Variants in CHCHD3 observed in about 807,000 individuals in gnomAD.
CHCHD3 encodes MICOS complex subunit MIC19.
Under a neutral mutation model 38.2 loss-of-function variants are expected in CHCHD3, and 20 were observed. That is an observed-to-expected ratio of 0.52 (90% CI 0.37 to 0.76). The LOEUF (loss-of-function observed/expected upper bound fraction) is 0.76. Ranked by LOEUF, CHCHD3 falls within the 30% of genes least tolerant of loss-of-function variation. The pLI is 0.00. For missense variants in CHCHD3, 245 were observed against 279.2 expected (o/e 0.88, Z 0.87); for synonymous variants, 82 against 100.0 (o/e 0.82, Z 1.07).
intron 3 of CHCHD3, among the ~76,000 whole-genome samples, chr7:132,985,396 C>T (rs1451009178): frequency 2.5e-5 from 2 of 79,954 alleles, no homozygotes; most frequent in Admixed American, 1.3e-4. Flanking sequence ...GCCCCCCGCC[C>T]GGCCAGCCGC....
At position 132,798,455 on chromosome 7, in the gene CHCHD3, C is replaced by A. The variant is rs562220178; in HGVS notation, c.525-1878G>T. Among the ~76,000 whole-genome samples the A allele has an allele frequency of 3.3e-5, 5 of 152,176 alleles. No homozygotes were observed. In the South Asian group the frequency reaches 1.0e-3, roughly 32 times the overall value. On this transcript the variant is annotated intron_variant, in intron 6 of 7. Coordinates refer to ENST00000262570, the MANE Select transcript of CHCHD3 (RefSeq NM_017812.4). ...GCTTCAAAGAGTATAGGCACAGATA[C>A]CACTAAGTGACTAATTATAGCAAGA...
chr7:132,951,412 T>G (rs1751207615), intron 4 of CHCHD3, among the ~76,000 whole-genome samples: 1 of 152,264 alleles, frequency 6.6e-6, no homozygotes, highest in African/African-American at 2.4e-5. Context: ...CTATAACCTG[T>G]TGGGAATATT....
chr7:132,892,788 G>T (rs1809397619), intron 4 of CHCHD3, among the ~76,000 whole-genome samples: 1 of 152,204 alleles, frequency 6.6e-6, no homozygotes, highest in Admixed American at 6.5e-5. Context: ...TTCAGAGGGT[G>T]CAAGCCCCAA....
At chr7:132,947,275 A>C (rs184765878) in intron 4 of CHCHD3, among the ~76,000 whole-genome samples, 1 of 152,082 alleles carries the variant, frequency 6.6e-6, no homozygotes, top group Admixed American at 6.6e-5. Flanking sequence ...AACCAGAAAC[A>C]GGAGGCACTT....
At chr7:132,946,470 C>T (rs543312221) in intron 4 of CHCHD3, among the ~76,000 whole-genome samples, 2 of 151,904 alleles carry the variant, frequency 1.3e-5, no homozygotes, top group African/African-American at 4.8e-5. Flanking sequence ...TGAGTTAAAA[C>T]TGGAATTTCA....
At chr7:132,933,370 G>A (rs974544095) in intron 4 of CHCHD3, among the ~76,000 whole-genome samples, 3 of 152,160 alleles carry the variant, frequency 2.0e-5, no homozygotes, top group Non-Finnish European at 4.4e-5. Context: ...TACACATCAC[G>A]AGAAGTATGT....
chr7:132,825,939 G>A (rs911101019), intron 6 of CHCHD3, among the ~76,000 whole-genome samples: 1 of 152,220 alleles, frequency 6.6e-6, no homozygotes, highest in Non-Finnish European at 1.5e-5. Context: ...AGCAGGCCAA[G>A]CAAGCTTCTA....
intron 4 of CHCHD3, among the ~76,000 whole-genome samples, chr7:132,959,635 A>G (rs1236615932): frequency 2.0e-5 from 3 of 151,622 alleles, no homozygotes; most frequent in Non-Finnish European, 4.4e-5. Flanking sequence ...AGGTGGGAGA[A>G]TCACTTGAAC....
intron 2 of CHCHD3, among the ~76,000 whole-genome samples, chr7:133,058,173 C>G (rs374464085): frequency 1.3e-5 from 2 of 151,986 alleles, no homozygotes; most frequent in South Asian, 4.2e-4. Context: ...GGTGATTGGC[C>G]TTATTTTTTA....
At chr7:132,902,295 T>A (rs1809689085) in intron 4 of CHCHD3, among the ~76,000 whole-genome samples, 1 of 152,202 alleles carries the variant, frequency 6.6e-6, no homozygotes, top group Non-Finnish European at 1.5e-5. Flanking sequence ...AAATACCATT[T>A]GACCCAGCCA....
intron 4 of CHCHD3, among the ~76,000 whole-genome samples, chr7:132,948,849 A>G (rs2117283524): frequency 6.6e-6 from 1 of 152,252 alleles, no homozygotes; most frequent in South Asian, 2.1e-4. Context: ...TAAAAGATTC[A>G]AATGAAAGAG....
intron 1 of CHCHD3, among the ~76,000 whole-genome samples, chr7:133,075,003 G>A (rs1001512249): frequency 1.3e-5 from 2 of 152,146 alleles, no homozygotes; most frequent in African/African-American, 4.8e-5. Context: ...TCTGTAAGGT[G>A]CATGAGGACC....
Position 132,939,159 on chromosome 7 carries a change from T to C in CHCHD3, c.369+36010A>G, listed in dbSNP as rs536757877. 1.1e-4 allele frequency among the ~76,000 whole-genome samples: 16 copies of C among 152,254 alleles called. No individual in the cohort carries two copies. The East Asian group carries it at 3.1e-3, about 29-fold the overall frequency. ...TTACAATGGAGTTGAACATTTCCTATCACACAGTAACTCATAGCTGTTGCA... is the reference window on the plus strand; with the variant it reads ...TTACAATGGAGTTGAACATTTCCTACCACACAGTAACTCATAGCTGTTGCA... On this transcript the variant is annotated intron_variant, in intron 4 of 7. Transcript: ENST00000262570.
chr7:132,798,995 TG>T (rs1806694322), intron 6 of CHCHD3, among the ~76,000 whole-genome samples: 1 of 150,108 alleles, frequency 6.7e-6, no homozygotes, highest in South Asian at 2.1e-4. Context: ...ATTTCCTGTT[TG>T]GTGATCTGTT....
At chr7:133,058,173 CTTA>C (rs1459454843) in intron 2 of CHCHD3, among the ~76,000 whole-genome samples, 3 of 151,870 alleles carry the variant, frequency 2.0e-5, no homozygotes, top group Non-Finnish European at 4.4e-5. Context: ...GGTGATTGGC[CTTA>C]TTTTTTACTG....
intron 3 of CHCHD3, among the ~76,000 whole-genome samples, chr7:132,994,675 CACA>C (rs1247946457): frequency 2.0e-5 from 3 of 149,796 alleles, no homozygotes; most frequent in South Asian, 2.2e-4. Flanking sequence ...TGAACACAAT[CACA>C]ACAATTGTTA....
At chr7:132,894,972 T>C (rs1180084545) in intron 4 of CHCHD3, among the ~76,000 whole-genome samples, 3 of 152,216 alleles carry the variant, frequency 2.0e-5, no homozygotes, top group Non-Finnish European at 2.9e-5. Context: ...CAGTCATCCA[T>C]GTCTTAATCA....
intron 2 of CHCHD3, among the ~76,000 whole-genome samples, chr7:133,052,521 AGCAGGAGAAAGCTTGCCTTTG>A (rs1376471775): frequency 6.6e-6 from 1 of 152,268 alleles, no homozygotes; most frequent in East Asian, 1.9e-4. Context: ...CAAAACAGCA[AGCAGGAGAAAGCTTGCCTTTG>A]GCATTAGCCT....
At chr7:133,032,227 T>C (rs759262603) in intron 2 of CHCHD3, among the ~76,000 whole-genome samples, 5 of 152,300 alleles carry the variant, frequency 3.3e-5, no homozygotes, top group Non-Finnish European at 5.9e-5. Flanking sequence ...TATAGGTATA[T>C]TCAGCTGACA....
Sources: gnomAD v4.1 joint callset for allele counts (sites outside exome capture counted in the v4.1 genomes callset) on GRCh38, gnomAD v4.1.1 for gene constraint, MANE v1.5 for transcripts, NCBI Gene and HGNC (gene_info 2026-07-23, HGNC 2026-07-21) for gene names.